The following RAD51AP2 variants were observed in gnomAD, a reference collection of about 807,000 sequenced individuals.
The protein encoded by RAD51AP2 is RAD51 associated protein 2, also known as RAD51-associated protein 2.
A neutral mutation model predicts 85.5 loss-of-function variants in RAD51AP2; 67 were observed. The observed-to-expected ratio is 0.78, with a 90% CI of 0.64 to 0.96. RAD51AP2 has a LOEUF of 0.96. RAD51AP2 is among the 40% of genes least tolerant of loss of function. The pLI is 0.00. For missense variants in RAD51AP2, 1,307 were observed against 1,332.4 expected, an observed-to-expected ratio of 0.98 and a Z score of 0.30; for synonymous variants, 474 against 446.5, an observed-to-expected ratio of 1.06 and a Z score of -0.78.
chr2:17,536,348 A>G, the RAD51AP2 span, among the ~76,000 whole-genome samples: 1 of 152,228 alleles, frequency 6.6e-6, no homozygotes, highest in Non-Finnish European at 1.5e-5. Context: ...CTACAAAGTC[A>G]TGAATGAAAA....
At position 17,516,911 on chromosome 2, in the gene RAD51AP2, A is replaced by C. The variant is rs763885940; in HGVS notation, c.1505T>G (p.Val502Gly). Residue 502 changes from valine (V) to glycine (G), a missense_variant, in exon 1 of 3, where the codon GTG becomes GGG. By Grantham distance (109) the Val-to-Gly change is moderately radical. This residue lies in a region of RAD51AP2 where 635 missense variants were observed against 643.6 expected (regional missense o/e 0.99). Transcript: ENST00000399080. Reference protein sequence around the residue: ...RYNTTQKVFHVNNPFESFIIE... With the variant: ...RYNTTQKVFHGNNPFESFIIE... ...AATGAAACTTTCAAAAGGGTTGTTC[A>C]CATGAAAGACTTTTTGTGTAGTATT... 3.1e-6 allele frequency: 5 copies of C among 1,592,262 alleles called. No individual in the cohort carries two copies. The East Asian group carries it at 1.1e-4, about 36-fold the overall frequency.
rs766789622 is a variant in RAD51AP2, at chr2:17,515,597, T to A, written c.2819A>T (p.Asp940Val). Residue 940 changes from aspartate (D) to valine (V), a missense_variant, in exon 1 of 3, where the codon GAT becomes GTT. Physicochemically the swap from Asp to Val is radical, Grantham distance 152. Coordinates refer to ENST00000399080, the MANE Select transcript of RAD51AP2 (RefSeq NM_001099218.3). ...QFETGLSEGN[D>V]ECFQDLAAKY... is the part of the protein sequence containing the mutation. ...AGCAGCTAAGTCCTGAAAACATTCA[T>A]CATTCCCTTCACTCAGACCAGTTTC... is the stretch of plus-strand genomic sequence containing the variant. The A allele has an allele frequency of 1.6e-5, 26 of 1,610,420 alleles. No homozygotes were observed. The highest frequency in any genetic ancestry group is 1.8e-5 in the Non-Finnish European group (21 of 1,178,622).
At position 17,516,855 on chromosome 2, in the gene RAD51AP2, A is replaced by G; in HGVS notation, c.1561T>C (p.Ser521Pro). The G allele has an allele frequency of 6.5e-7, 1 of 1,549,774 alleles. No individual in the cohort carries two copies. Among genetic ancestry groups the G allele is most frequent in the Non-Finnish European group, 8.7e-7 (1 of 1,149,274 alleles). Residue 521 changes from serine (S) to proline (P), a missense_variant, in exon 1 of 3, where the codon TCA becomes CCA. Around this residue, in one of 3 missense-constraint regions of RAD51AP2, gnomAD observed 635 missense variants for 643.6 expected, o/e 0.99. Coordinates refer to ENST00000399080, the MANE Select transcript of RAD51AP2 (RefSeq NM_001099218.3). ...IEIFYFHKSI[S>P]GNKKDNSILT... Reference sequence around the variant, plus strand: ...ATACTATTATCTTTTTTATTTCCTGAAATACTTTTATGGAAATAAAAAATT... The same window carrying G: ...ATACTATTATCTTTTTTATTTCCTGGAATACTTTTATGGAAATAAAAAATT...
Position 17,516,639 on chromosome 2 carries a change from A to G in RAD51AP2, c.1777T>C (p.Ser593Pro). 2 of 1,573,038 alleles carry G rather than the reference A, an allele frequency of 1.3e-6. No individual in the cohort carries two copies. Among genetic ancestry groups the G allele is most frequent in the East Asian group, 4.5e-5 (2 of 44,386 alleles). ...AAATCATTTTCAATTCTTGTTAAAGAGTCAAAGTTATTGAGCAAAAAAGCT... is the reference window on the plus strand; with the variant it reads ...AAATCATTTTCAATTCTTGTTAAAGGGTCAAAGTTATTGAGCAAAAAAGCT... ...NIAFLLNNFD[S>P]LTRIENDFEL... Residue 593 changes from serine (S) to proline (P), a missense_variant, in exon 1 of 3, where the codon TCT (serine) becomes CCT (proline). Physicochemically the swap from Ser to Pro is moderately conservative, Grantham distance 74 (BLOSUM62 -1). Transcript: ENST00000399080.
chr2:17,516,746 G>A lies in RAD51AP2; in HGVS notation c.1670C>T (p.Thr557Ile). ...GCTTAAAATTCCATTCTTTATATTT[G>A]TATTCATGTTTCTGGTTATTAGATT... ...IQNLITRNMN[T>I]NIKNGILSIY... Residue 557 changes from threonine to isoleucine, a missense_variant, in exon 1 of 3, where the codon ACA becomes ATA. By Grantham distance (89) the Thr-to-Ile change is moderately conservative. This residue lies in a region of RAD51AP2 where 4 missense variants were observed against 17.7 expected (regional missense o/e 0.23). Coordinates refer to ENST00000399080, the MANE Select transcript of RAD51AP2 (RefSeq NM_001099218.3). 6.4e-7 allele frequency: 1 copy of A among 1,570,116 alleles called. No individual in the cohort carries two copies.
In RAD51AP2 at chr2:17,516,539, G is replaced by A; in HGVS notation, c.1877C>T (p.Thr626Ile). Reference protein sequence around the residue: ...KYPKNIVENHTAYLVKILTSS... With the variant: ...KYPKNIVENHIAYLVKILTSS... ...AGTTAAAATCTTTACTAGATATGCA[G>A]TATGATTTTCCACTATATTTTTTGG... The change falls in exon 1 of 3, where the codon ACT (threonine) becomes ATT (isoleucine). Residue 626 changes from threonine to isoleucine, a missense_variant. Physicochemically the swap from Thr to Ile is moderately conservative, Grantham distance 89. This residue lies in a region of RAD51AP2 where 668 missense variants were observed against 671.0 expected (regional missense o/e 1.00). Transcript: ENST00000399080. The A allele has an allele frequency of 1.3e-6, 2 of 1,561,492 alleles. No individual in the cohort carries two copies. The highest frequency in any genetic ancestry group is 2.3e-5 in the East Asian group (1 of 44,424).
chr2:17,518,209 T>C lies in RAD51AP2; in HGVS notation c.207A>G (p.Arg69=). 6 of 1,613,940 alleles carry C rather than the reference T, an allele frequency of 3.7e-6. No individual in the cohort carries two copies. Among genetic ancestry groups the C allele is most frequent in the Non-Finnish European group, 5.1e-6 (6 of 1,179,982 alleles). Residue 69 remains arginine (R), a synonymous_variant, in exon 1 of 3, where the codon AGA becomes AGG. Transcript: ENST00000399080. ...TTGAAACAAGGAGTCCCTTGAAGGG[T>C]CTAGGGGACAACTCCCAGACTTTTT... The part of the protein sequence containing the change: ...EAEKVWELSP[R]PFKGLLVSTN...
Position 17,518,376 on chromosome 2 carries a change from TGAG to T in RAD51AP2, c.37_39del (p.Leu13del). Reference sequence around the variant, plus strand: ...GGCGTTAAAGAGGAGGTAGGCTTTCTGAGCTCGGCCATCCGCGGCGTGGGCTGA... The same window carrying T: ...GGCGTTAAAGAGGAGGTAGGCTTTCTCTCGGCCATCCGCGGCGTGGGCTGA... On this transcript the variant is annotated inframe_deletion, in exon 1 of 3. Transcript: ENST00000399080. The T allele has an allele frequency of 6.2e-7, 1 of 1,613,358 alleles. No homozygotes were observed. The highest frequency in any genetic ancestry group is 8.5e-7 in the Non-Finnish European group (1 of 1,179,762).
chr2:17,524,916 A>G, the RAD51AP2 span, among the ~76,000 whole-genome samples: 1 of 151,926 alleles, frequency 6.6e-6, no homozygotes, highest in Non-Finnish European at 1.5e-5. Context: ...AAATTCCTGT[A>G]AAACAGGATC....
chr2:17,530,222 A>G, the RAD51AP2 span, among the ~76,000 whole-genome samples: 1 of 152,230 alleles, frequency 6.6e-6, no homozygotes, highest in Non-Finnish European at 1.5e-5. Flanking sequence ...AAGCCTTGCT[A>G]TAGCAGGGAC....
In RAD51AP2 at chr2:17,510,666, A is replaced by C. The variant is rs1662463930; in HGVS notation, c.*138T>G. The C allele has an allele frequency of 2.1e-6, 1 of 474,208 alleles. No homozygotes were observed. Among genetic ancestry groups the C allele is most frequent in the African/African-American group, 2.0e-5 (1 of 49,498 alleles). 29.4% of individuals were successfully genotyped at this position (474,208 alleles called of 1,614,324 possible). A position where few individuals can be genotyped will look rare whatever the true frequency, so the allele number is the denominator to read the frequency against. On this transcript the variant is annotated 3_prime_UTR_variant, in exon 3 of 3. Transcript: ENST00000399080. The stretch of plus-strand genomic sequence containing the variant: ...ATATTTTATAACTTTGAAAGGTAAT[A>C]CCATAATTTATACACTCAAAAAAAA...
In RAD51AP2 at chr2:17,516,357, T is replaced by C; in HGVS notation, c.2059A>G (p.Lys687Glu). The C allele has an allele frequency of 6.2e-7, 1 of 1,611,888 alleles. No homozygotes were observed. Among genetic ancestry groups the C allele is most frequent in the African/African-American group, 1.3e-5 (1 of 74,930 alleles). The change falls in exon 1 of 3, where the codon AAA becomes GAA. Residue 687 changes from lysine to glutamate, a missense_variant. Physicochemically the swap from Lys to Glu is moderately conservative, Grantham distance 56. Around this residue, in one of 3 missense-constraint regions of RAD51AP2, gnomAD observed 668 missense variants for 671.0 expected, o/e 1.00. Coordinates refer to ENST00000399080, the MANE Select transcript of RAD51AP2 (RefSeq NM_001099218.3). ...TGFPIFETYEKIPLLMDFDDM... is the reference protein window; with the variant it reads ...TGFPIFETYEEIPLLMDFDDM... ...TCAAAGTCCATTAAAAGGGGAATTT[T>C]TTCATATGTTTCAAAAATCGGAAAA...
At chr2:17,528,345 G>A in the RAD51AP2 span, among the ~76,000 whole-genome samples, 1 of 152,170 alleles carries the variant, frequency 6.6e-6, no homozygotes, top group African/African-American at 2.4e-5. Context: ...ATTAGTTTAA[G>A]TATGGGTAGG....
chr2:17,514,538 G>GT (rs371390663), intron 1 of RAD51AP2, among the ~76,000 whole-genome samples: 93 of 151,946 alleles, frequency 6.1e-4, no homozygotes, highest in Admixed American at 1.5e-3. Context: ...GAGGGCGGCG[G>GT]GGGGGGTGGA....
At chr2:17,528,465 G>A in the RAD51AP2 span, among the ~76,000 whole-genome samples, 7 of 152,104 alleles carry the variant, frequency 4.6e-5, no homozygotes, top group African/African-American at 1.7e-4. Flanking sequence ...AAAAGAATGA[G>A]AGGGAAAAAC....
the RAD51AP2 span, among the ~76,000 whole-genome samples, chr2:17,527,144 A>G: frequency 6.6e-6 from 1 of 152,078 alleles, no homozygotes; most frequent in East Asian, 1.9e-4. Context: ...TCAGCCTTCT[A>G]TTTCTTTACC....
intron 2 of RAD51AP2, 38 bp downstream of exon 2, chr2:17,513,974 A>G (rs997950416): frequency 9.6e-7 from 1 of 1,046,868 alleles, no homozygotes; most frequent in Non-Finnish European, 1.5e-6. Flanking sequence ...TGCAATAATC[A>G]TCTTAGAAGT....
At chr2:17,515,039 T>G in intron 1 of RAD51AP2, 130 bp downstream of exon 1, 1 of 652,658 alleles carries the variant, frequency 1.5e-6, no homozygotes, top group East Asian at 3.1e-5. Flanking sequence ...ATAGTGTGCA[T>G]CAATAAACAT....
chr2:17,518,444 T>C (rs1162574603), upstream of RAD51AP2: 2 of 1,590,006 alleles, frequency 1.3e-6, no homozygotes, highest in Admixed American at 3.5e-5. Flanking sequence ...TCTGTCCGAG[T>C]CCCGGCGGGG....
Sources: allele counts gnomAD v4.1 joint callset (sites outside exome capture counted in the v4.1 genomes callset), GRCh38; gene constraint gnomAD v4.1.1; regional missense constraint gnomAD v4.1.1; transcripts MANE v1.5; gene names NCBI Gene and HGNC (gene_info 2026-07-23, HGNC 2026-07-21).